LHFPL3: variants seen among roughly 807,000 people sequenced by gnomAD.
LHFPL3 encodes the protein LHFPL tetraspan subfamily member 3.
A neutral mutation model predicts 19.3 loss-of-function variants in LHFPL3; 5 were observed. That is an observed-to-expected ratio of 0.26 (90% CI 0.14 to 0.54). The LOEUF is 0.54. Among genes scored for constraint, LHFPL3 ranks in the 20% least tolerant of loss-of-function variants. The pLI is 0.94. For synonymous variants in LHFPL3, 133 were observed against 126.2 expected (o/e 1.05, Z -0.36); for missense variants, 249 against 307.4 (o/e 0.81, Z 1.42).
At chr7:104,814,725 G>T (rs1416725314) in intron 2 of LHFPL3, among the ~76,000 whole-genome samples, 1 of 152,152 alleles carries the variant, frequency 6.6e-6, no homozygotes, top group Non-Finnish European at 1.5e-5. Context: ...TCCTATGCTC[G>T]TCAGTGCCCA....
At chr7:104,435,799 A>T (rs970881589) in intron 1 of LHFPL3, among the ~76,000 whole-genome samples, 40 of 152,004 alleles carry the variant, frequency 2.6e-4, no homozygotes, top group African/African-American at 8.9e-4. Flanking sequence ...TGGGATAACT[A>T]TAAAATGGCT....
intron 2 of LHFPL3, chr7:104,796,668 T>G (rs1215566255): frequency 2.0e-5 from 3 of 152,716 alleles, no homozygotes; most frequent in Admixed American, 2.0e-4. Context: ...TTTGGATGGT[T>G]GAGACTGCTA....
At chr7:104,473,667 A>T (rs1376693806) in intron 1 of LHFPL3, among the ~76,000 whole-genome samples, 1 of 152,198 alleles carries the variant, frequency 6.6e-6, no homozygotes, top group African/African-American at 2.4e-5. Context: ...CCTGGCTGTA[A>T]AATTAGAATA....
chr7:104,833,031 TTA>T (rs375524739), intron 2 of LHFPL3, among the ~76,000 whole-genome samples: 12 of 4,572 alleles, frequency 2.6e-3, no homozygotes, highest in Non-Finnish European at 6.9e-3. Flanking sequence ...AATAGATATA[TTA>T]TATATATATA....
chr7:104,430,013 T>C (rs1212639781), intron 1 of LHFPL3, among the ~76,000 whole-genome samples: 1 of 152,134 alleles, frequency 6.6e-6, no homozygotes, highest in African/African-American at 2.4e-5. Flanking sequence ...CAATGGCTCC[T>C]CAAACCGCTC....
chr7:104,355,467 A>T (rs565110189), intron 1 of LHFPL3, among the ~76,000 whole-genome samples: 3 of 152,330 alleles, frequency 2.0e-5, no homozygotes, highest in South Asian at 4.1e-4. Context: ...CTACAGCCAG[A>T]GTAACTTGAA....
chr7:104,696,287 G>A (rs763735223), intron 1 of LHFPL3, among the ~76,000 whole-genome samples: 4 of 152,180 alleles, frequency 2.6e-5, no homozygotes, highest in African/African-American at 9.7e-5. Context: ...TGTAAACTAG[G>A]ATTAATTCCT....
intron 1 of LHFPL3, chr7:104,622,919 C>A: frequency 4.1e-6 from 1 of 245,592 alleles, no homozygotes. Flanking sequence ...ATTTTACATT[C>A]CCAGCAGCAG....
chr7:104,898,156 C>T (rs1161949579), intron 2 of LHFPL3, among the ~76,000 whole-genome samples: 2 of 151,656 alleles, frequency 1.3e-5, no homozygotes, highest in Non-Finnish European at 2.9e-5. Flanking sequence ...ATTACAGGCA[C>T]CCACCACCAC....
intron 1 of LHFPL3, among the ~76,000 whole-genome samples, chr7:104,510,434 G>A (rs1793787250): frequency 6.6e-6 from 1 of 152,124 alleles, no homozygotes; most frequent in African/African-American, 2.4e-5. Flanking sequence ...GGTTGCAAAA[G>A]TATTTTAACG....
intron 1 of LHFPL3, among the ~76,000 whole-genome samples, chr7:104,614,680 C>CTTCCTTCCTTCCTTCCTTCCTTCT (rs767634683): frequency 1.2e-3 from 116 of 94,416 alleles, no homozygotes; most frequent in Non-Finnish European, 1.8e-3. Flanking sequence ...TCCTTCCTTC[C>CTTCCTTCCTTCCTTCCTTCCTTCT]TTCTTTCTTT....
At chr7:104,581,234 G>A (rs1220280055) in intron 1 of LHFPL3, among the ~76,000 whole-genome samples, 1 of 152,202 alleles carries the variant, frequency 6.6e-6, no homozygotes, top group East Asian at 1.9e-4. Flanking sequence ...AGAACGTGTA[G>A]TGATATCTCA....
At chr7:104,526,626 C>G (rs1794192646) in intron 1 of LHFPL3, among the ~76,000 whole-genome samples, 1 of 152,176 alleles carries the variant, frequency 6.6e-6, no homozygotes, top group South Asian at 2.1e-4. Flanking sequence ...TAGTGATGAA[C>G]AATCATATTG....
At chr7:104,735,403 A>G (rs1793792698) in intron 1 of LHFPL3, among the ~76,000 whole-genome samples, 1 of 152,162 alleles carries the variant, frequency 6.6e-6, no homozygotes, top group African/African-American at 2.4e-5. Flanking sequence ...TACCTACTCA[A>G]GCCTTGGCAA....
intron 1 of LHFPL3, among the ~76,000 whole-genome samples, chr7:104,346,811 T>C (rs145071468): frequency 0.021 from 3,182 of 151,764 alleles, 51 homozygotes; most frequent in Middle Eastern, 0.058. Context: ...AGAGGAGATA[T>C]GAAGACTAAC....
chr7:104,830,475 G>A (rs61640057), intron 2 of LHFPL3, among the ~76,000 whole-genome samples: 1 of 151,532 alleles, frequency 6.6e-6, no homozygotes. Flanking sequence ...GGTCTAACAT[G>A]TAAGTCTTTA....
intron 1 of LHFPL3, among the ~76,000 whole-genome samples, chr7:104,445,618 A>G (rs1792316081): frequency 6.6e-6 from 1 of 152,238 alleles, no homozygotes; most frequent in South Asian, 2.1e-4. Context: ...TTAAGGAAGT[A>G]TAATATAAGG....
intron 1 of LHFPL3, among the ~76,000 whole-genome samples, chr7:104,585,239 C>T (rs1047662169): frequency 4.6e-5 from 7 of 152,044 alleles, no homozygotes; most frequent in African/African-American, 1.7e-4. Context: ...ACCATTTTGC[C>T]TAGAGGGATG....
At chr7:104,487,230 G>A (rs564977650) in intron 1 of LHFPL3, among the ~76,000 whole-genome samples, 1 of 152,224 alleles carries the variant, frequency 6.6e-6, no homozygotes, top group South Asian at 2.1e-4. Flanking sequence ...GCCTATTCCT[G>A]ATTACACAAC....
Sources: allele counts gnomAD v4.1 joint callset (sites outside exome capture counted in the v4.1 genomes callset), GRCh38; gene constraint gnomAD v4.1.1; transcripts MANE v1.5; gene names NCBI Gene and HGNC (gene_info 2026-07-23, HGNC 2026-07-21).